Variants in STAU2 observed in about 807,000 individuals in gnomAD.
The protein encoded by STAU2 is staufen double-stranded RNA binding protein 2.
STAU2 carries 20 observed loss-of-function variants against 65.9 expected under a neutral mutation model. That is an observed-to-expected ratio of 0.30 (90% CI 0.21 to 0.44). The LOEUF (loss-of-function observed/expected upper bound fraction) is 0.44, where lower values mean the gene tolerates loss of function less well. STAU2 is among the 20% of genes least tolerant of loss of function. The pLI, the probability that STAU2 is intolerant of heterozygous loss-of-function variation, is 1.00. For missense variants in STAU2, 558 were observed against 683.9 expected, an observed-to-expected ratio of 0.82 and a Z score of 2.05; for synonymous variants, 232 against 233.9, an observed-to-expected ratio of 0.99 and a Z score of 0.07.
chr8:73,491,197 A>C (rs7832194), intron 13 of STAU2, among the ~76,000 whole-genome samples: 83,933 of 151,894 alleles, frequency 0.55, 24,788 homozygotes, highest in East Asian at 0.89. Flanking sequence ...AAAACATTTC[A>C]TGCTGAAGTG....
chr8:73,736,744 A>G (rs1806461211), intron 3 of STAU2, among the ~76,000 whole-genome samples: 2 of 152,252 alleles, frequency 1.3e-5, no homozygotes, highest in South Asian at 4.1e-4. Flanking sequence ...AGCTCAGAAA[A>G]AAAAGGTCTA....
chr8:73,703,825 A>G (rs978811603), intron 4 of STAU2, among the ~76,000 whole-genome samples: 1 of 152,226 alleles, frequency 6.6e-6, no homozygotes, highest in African/African-American at 2.4e-5. Flanking sequence ...GATGATTACG[A>G]CAAGGAACGA....
intron 13 of STAU2, among the ~76,000 whole-genome samples, chr8:73,475,575 A>AC (rs1820276167): frequency 6.6e-6 from 1 of 152,216 alleles, no homozygotes; most frequent in Non-Finnish European, 1.5e-5. Flanking sequence ...TAGAGATTTC[A>AC]CATCTCCTGT....
chr8:73,446,972 T>TG (rs1408008523), intron 13 of STAU2, among the ~76,000 whole-genome samples: 1 of 152,210 alleles, frequency 6.6e-6, no homozygotes, highest in Non-Finnish European at 1.5e-5. Context: ...GACACAGTCT[T>TG]GCTCTGTCAC....
intron 4 of STAU2, among the ~76,000 whole-genome samples, chr8:73,693,245 G>A (rs940018887): frequency 5.3e-5 from 8 of 152,096 alleles, no homozygotes; most frequent in African/African-American, 1.7e-4. Context: ...AGGCCGAGGC[G>A]GGCGGATCAC....
At chr8:73,447,801 C>G (rs748254686) in intron 13 of STAU2, among the ~76,000 whole-genome samples, 7 of 152,142 alleles carry the variant, frequency 4.6e-5, no homozygotes, top group Non-Finnish European at 1.0e-4. Flanking sequence ...TTTTCCTCCC[C>G]CCTCTGGGTG....
At chr8:73,613,397 C>T (rs1450572689) in intron 9 of STAU2, among the ~76,000 whole-genome samples, 3 of 152,194 alleles carry the variant, frequency 2.0e-5, no homozygotes, top group East Asian at 1.9e-4. Context: ...TCTTTGAACA[C>T]GTTTTGTAAA....
intron 12 of STAU2, among the ~76,000 whole-genome samples, chr8:73,556,944 A>G (rs1461864980): frequency 6.6e-6 from 1 of 152,214 alleles, no homozygotes; most frequent in African/African-American, 2.4e-5. Context: ...GTTGTAAAAA[A>G]AAATTGCCAA....
intron 13 of STAU2, among the ~76,000 whole-genome samples, chr8:73,428,520 G>T (rs1310972623): frequency 3.9e-5 from 6 of 152,026 alleles, no homozygotes; most frequent in Non-Finnish European, 1.5e-5. Flanking sequence ...CACCATCACA[G>T]AGGGCTACTG....
upstream of STAU2, chr8:73,747,337 C>T: frequency 2.6e-6 from 4 of 1,527,670 alleles, no homozygotes; most frequent in South Asian, 1.2e-5. Flanking sequence ...GCCCGACTGA[C>T]CGTCTGCTCT....
intron 9 of STAU2, among the ~76,000 whole-genome samples, chr8:73,606,170 A>C (rs1185154655): frequency 6.6e-6 from 1 of 151,958 alleles, no homozygotes; most frequent in African/African-American, 2.4e-5. Flanking sequence ...AATTTCTTAG[A>C]TATAACACCA....
At chr8:73,616,813 C>T (rs1258652446) in intron 7 of STAU2, among the ~76,000 whole-genome samples, 2 of 151,504 alleles carry the variant, frequency 1.3e-5, no homozygotes, top group African/African-American at 2.4e-5. Flanking sequence ...AAAAAGGAAG[C>T]TCACTATGCT....
chr8:73,613,693 C>T (rs1327349686), intron 9 of STAU2, 51 bp downstream of exon 9: 2 of 1,410,548 alleles, frequency 1.4e-6, no homozygotes, highest in Non-Finnish European at 1.9e-6. Flanking sequence ...TCTATAGCTA[C>T]TATAATATTT....
At chr8:73,652,374 C>T (rs1586197289) in intron 6 of STAU2, 1 of 152,056 alleles carries the variant, frequency 6.6e-6, no homozygotes, top group East Asian at 1.9e-4. Context: ...TTTCTGTTTC[C>T]TTTAACATAC....
intron 13 of STAU2, among the ~76,000 whole-genome samples, chr8:73,446,757 G>C (rs1818490159): frequency 6.6e-6 from 1 of 152,108 alleles, no homozygotes; most frequent in South Asian, 2.1e-4. Context: ...TTACAGACGT[G>C]AGCCATTGTG....
chr8:73,481,527 A>AAC (rs1554595607), intron 13 of STAU2, among the ~76,000 whole-genome samples: 2 of 116,154 alleles, frequency 1.7e-5, no homozygotes, highest in African/African-American at 3.2e-5. Flanking sequence ...AAAAAAAAAA[A>AAC]ACACTTTTTT....
At chr8:73,506,563 T>G (rs535164554) in intron 13 of STAU2, among the ~76,000 whole-genome samples, 5 of 152,152 alleles carry the variant, frequency 3.3e-5, no homozygotes, top group Non-Finnish European at 7.4e-5. Flanking sequence ...ATCATCTGAG[T>G]CTTCAGAGTT....
chr8:73,429,973 C>T (rs1268427321), intron 13 of STAU2, among the ~76,000 whole-genome samples: 6 of 152,186 alleles, frequency 3.9e-5, no homozygotes, highest in Non-Finnish European at 8.8e-5. Context: ...GGGTTGACTT[C>T]CGAGGCTTCG....
chr8:73,637,477 T>TAAAAAAAAAAAAAAAAAA (rs60833468), intron 6 of STAU2, among the ~76,000 whole-genome samples: 95 of 57,110 alleles, frequency 1.7e-3, no homozygotes, highest in South Asian at 2.6e-3. Context: ...GTGCTGAAAG[T>TAAAAAAAAAAAAAAAAAA]AAAAAAAAAA....
Sources: gnomAD v4.1 joint callset for allele counts (sites outside exome capture counted in the v4.1 genomes callset) on GRCh38, gnomAD v4.1.1 for gene constraint, MANE v1.5 for transcripts, NCBI Gene and HGNC (gene_info 2026-07-23, HGNC 2026-07-21) for gene names.